Variants in ZFHX3 observed in about 807,000 individuals in gnomAD.
ZFHX3 encodes the protein zinc finger homeobox 3.
A neutral mutation model predicts 279.1 loss-of-function variants in ZFHX3; 42 were observed. The ratio of observed to expected loss-of-function variants is 0.15; its 90% CI spans 0.12 to 0.19. The LOEUF (loss-of-function observed/expected upper bound fraction) is 0.19, where lower values mean the gene tolerates loss of function less well. ZFHX3 is among the 10% of genes least tolerant of loss of function. The pLI is 1.00. For synonymous variants in ZFHX3, 2,293 were observed against 1,957.8 expected (o/e 1.17, Z -4.52); for missense variants, 4,981 against 4,754.0 (o/e 1.05, Z -1.40).
chr16:73,268,845 C>T (rs1008838941), intron 4 of ZFHX3, among the ~76,000 whole-genome samples: 1 of 152,098 alleles, frequency 6.6e-6, no homozygotes, highest in African/African-American at 2.4e-5. Flanking sequence ...AGGGGCACAG[C>T]GAGCAACAGG....
At chr16:73,239,453 G>A (rs1233007570) in intron 5 of ZFHX3, among the ~76,000 whole-genome samples, 1 of 152,208 alleles carries the variant, frequency 6.6e-6, no homozygotes, top group African/African-American at 2.4e-5. Flanking sequence ...AAAATGGCCT[G>A]TTTCCCTATG....
intron 1 of ZFHX3, among the ~76,000 whole-genome samples, chr16:72,994,150 C>T (rs1421365453): frequency 6.6e-6 from 1 of 152,186 alleles, no homozygotes; most frequent in African/African-American, 2.4e-5. Flanking sequence ...TTTGTTCTCT[C>T]TTAATCTTTT....
chr16:73,098,986 T>G (rs1414153506), intron 7 of ZFHX3: 1 of 152,232 alleles, frequency 6.6e-6, no homozygotes, highest in African/African-American at 2.4e-5. Context: ...GAAATTCCCT[T>G]TCAATCATGT....
chr16:73,480,664 G>A (rs550460557), intron 2 of ZFHX3, among the ~76,000 whole-genome samples: 8 of 152,218 alleles, frequency 5.3e-5, no homozygotes, highest in East Asian at 1.9e-4. Flanking sequence ...CCTTCTAAAC[G>A]GCCACTCTGG....
intron 4 of ZFHX3, among the ~76,000 whole-genome samples, chr16:72,844,986 G>C (rs986941080): frequency 6.6e-6 from 1 of 152,152 alleles, no homozygotes; most frequent in East Asian, 1.9e-4. Context: ...CAGAACTGAA[G>C]GTGAACAAAC....
chr16:72,977,032 C>T (rs1251867024), intron 1 of ZFHX3, among the ~76,000 whole-genome samples: 2 of 152,212 alleles, frequency 1.3e-5, no homozygotes. Flanking sequence ...TGCCATCCCA[C>T]AAATGGTGAT....
chr16:72,921,259 C>T (rs111810647), intron 3 of ZFHX3, among the ~76,000 whole-genome samples: 62 of 152,260 alleles, frequency 4.1e-4, no homozygotes, highest in African/African-American at 1.4e-3. Flanking sequence ...GTGGTGTCAT[C>T]AACGAAGCTT....
chr16:72,983,640 G>A (rs1962716450), intron 1 of ZFHX3, among the ~76,000 whole-genome samples: 1 of 152,062 alleles, frequency 6.6e-6, no homozygotes, highest in Non-Finnish European at 1.5e-5. Flanking sequence ...CCAGGAGTTC[G>A]AGGCTGCAGT....
intron 3 of ZFHX3, among the ~76,000 whole-genome samples, chr16:73,377,934 G>T (rs1053131573): frequency 1.3e-5 from 2 of 148,468 alleles, no homozygotes; most frequent in African/African-American, 5.0e-5. Context: ...TCAGGAGGCT[G>T]GGGCAGGAGA....
chr16:73,764,887 C>A (rs539250862), intron 1 of ZFHX3, among the ~76,000 whole-genome samples: 2 of 152,276 alleles, frequency 1.3e-5, no homozygotes, highest in South Asian at 4.1e-4. Context: ...ATTTGACAGG[C>A]AGCCAGATTT....
At chr16:73,111,607 AAGAC>A (rs1438090285) in intron 7 of ZFHX3, among the ~76,000 whole-genome samples, 3 of 147,304 alleles carry the variant, frequency 2.0e-5, no homozygotes, top group East Asian at 4.1e-4. Context: ...GGAAGAAAGA[AAGAC>A]AGAAAGAAAG....
At chr16:73,110,464 A>T (rs1261970270) in intron 7 of ZFHX3, among the ~76,000 whole-genome samples, 2 of 152,226 alleles carry the variant, frequency 1.3e-5, no homozygotes, top group Non-Finnish European at 2.9e-5. Context: ...TGTATTTATT[A>T]TGTAATTTTA....
chr16:73,610,897 T>G (rs2052238224), intron 2 of ZFHX3, among the ~76,000 whole-genome samples: 2 of 152,184 alleles, frequency 1.3e-5, no homozygotes, highest in South Asian at 2.1e-4. Context: ...GCAACTGTAT[T>G]TCAGGGCTTA....
chr16:73,462,075 G>A (rs942784877), intron 2 of ZFHX3, among the ~76,000 whole-genome samples: 1 of 152,030 alleles, frequency 6.6e-6, no homozygotes, highest in Admixed American at 6.5e-5. Context: ...TACAAGTCCT[G>A]TACATGTTTT....
rs10672414 is a variant in ZFHX3, at chr16:73,055,847, T to TACACACACAC, written c.-24+2673_-24+2682dup. 6.4e-3 allele frequency among the ~76,000 whole-genome samples: 886 copies of TACACACACAC among 138,684 alleles called. 8 individuals are homozygous for TACACACACAC. The highest frequency in any genetic ancestry group is 0.054 in the Middle Eastern group (15 of 276). 91.0% of individuals were successfully genotyped at this position (138,684 alleles called of 152,430 possible). A position where few individuals can be genotyped will look rare whatever the true frequency, so the allele number is the denominator to read the frequency against. ...CCCCAAATCCTCATACCTACAACTC[T>TACACACACAC]ACACACACACACACACACACACACA... On this transcript the variant is annotated intron_variant, in intron 1 of 8. Transcript: ENST00000397992.
intron 5 of ZFHX3, among the ~76,000 whole-genome samples, chr16:73,172,448 G>A (rs1309379544): frequency 1.3e-5 from 2 of 152,202 alleles, no homozygotes. Context: ...TGTATTTATA[G>A]CCGTGTGAGA....
chr16:72,928,873 G>A (rs1164325473), intron 3 of ZFHX3, among the ~76,000 whole-genome samples: 3 of 151,652 alleles, frequency 2.0e-5, no homozygotes, highest in African/African-American at 4.8e-5. Flanking sequence ...GAGGCAGGAG[G>A]ATGGCCTGAG....
At chr16:73,264,600 T>C (rs1229659296) in intron 4 of ZFHX3, among the ~76,000 whole-genome samples, 2 of 151,922 alleles carry the variant, frequency 1.3e-5, no homozygotes, top group Non-Finnish European at 2.9e-5. Flanking sequence ...TTTTTATTTC[T>C]ATATATTTGG....
intron 2 of ZFHX3, among the ~76,000 whole-genome samples, chr16:73,544,946 GGAA>G (rs2020084564): frequency 6.6e-6 from 1 of 152,160 alleles, no homozygotes; most frequent in African/African-American, 2.4e-5. Flanking sequence ...GGACGATGAC[GGAA>G]GGAGAGTCAG....
Sources: gnomAD v4.1 joint callset for allele counts (sites outside exome capture counted in the v4.1 genomes callset) on GRCh38, gnomAD v4.1.1 for gene constraint, MANE v1.5 for transcripts, NCBI Gene and HGNC (gene_info 2026-07-23, HGNC 2026-07-21) for gene names.